Variants in UPF2 observed in about 807,000 individuals in gnomAD.
UPF2 encodes UPF2 regulator of nonsense mediated mRNA decay.
Under a neutral mutation model 141.4 loss-of-function variants are expected in UPF2, and 17 were observed. That is an observed-to-expected ratio of 0.12 (90% confidence interval 0.08 to 0.18). UPF2 has a LOEUF of 0.18. UPF2 is among the 10% of genes least tolerant of loss of function. UPF2 has a pLI of 1.00. For missense variants in UPF2, 1,152 were observed against 1,515.9 expected (o/e 0.76, Z 3.99); for synonymous variants, 540 against 498.0 (o/e 1.08, Z -1.12).
chr10:11,949,492 A>G (rs1347597766), intron 15 of UPF2, among the ~76,000 whole-genome samples: 2 of 152,220 alleles, frequency 1.3e-5, no homozygotes, highest in Non-Finnish European at 2.9e-5. Flanking sequence ...ACAGCATCTT[A>G]CATTTGATGA....
chr10:11,929,662 A>G (rs1441595895), intron 21 of UPF2, among the ~76,000 whole-genome samples: 1 of 152,218 alleles, frequency 6.6e-6, no homozygotes, highest in East Asian at 1.9e-4. Context: ...ATAAAAATAA[A>G]AAAAACAGAA....
intron 2 of UPF2, among the ~76,000 whole-genome samples, chr10:12,030,177 A>G (rs1414289666): frequency 1.3e-5 from 2 of 152,110 alleles, no homozygotes; most frequent in Non-Finnish European, 2.9e-5. Context: ...TATGTTTGGG[A>G]AGGATGTAAA....
chr10:11,948,447 A>T lies in UPF2; in HGVS notation c.3096T>A (p.Asp1032Glu). The change falls in exon 16 of 22, where the codon GAT becomes GAA. Residue 1032 changes from aspartate (D) to glutamate (E), a missense_variant. Physicochemically the swap from Asp to Glu is conservative, Grantham distance 45 (BLOSUM62 2). Around this residue, in one of 4 missense-constraint regions of UPF2, gnomAD observed 202 missense variants for 223.6 expected, o/e 0.90. Transcript: ENST00000357604. ...CAGCCCCACCTTCTTCTTCTTCTTC[A>T]TCCTCTTCAAGATTTTCTCCTTCTG... The part of the protein sequence containing the change: ...SMTEGENLEE[D>E]EEEEEGGAET... 1.9e-6 allele frequency: 3 copies of T among 1,613,088 alleles called. No homozygotes were observed. Among genetic ancestry groups the T allele is most frequent in the East Asian group, 4.5e-5 (2 of 44,822 alleles).
intron 15 of UPF2, among the ~76,000 whole-genome samples, chr10:11,949,207 A>G (rs547579347): frequency 1.3e-5 from 2 of 152,238 alleles, no homozygotes; most frequent in African/African-American, 2.4e-5. Flanking sequence ...TATGCACACA[A>G]TGTGGTCTCA....
intron 21 of UPF2, among the ~76,000 whole-genome samples, chr10:11,924,945 A>G (rs1216852575): frequency 2.0e-5 from 3 of 152,066 alleles, no homozygotes; most frequent in African/African-American, 4.8e-5. Flanking sequence ...CAGACTCCCG[A>G]GTAGCTGGGA....
chr10:12,022,859 C>A lies in UPF2; in HGVS notation c.1145+5886G>T, dbSNP rs187347474. ...TAGCATTCATAAAAGAAACCTCTGA[C>A]TTTTTTTTTAACAATGGGCAGACGA... is the stretch of plus-strand genomic sequence containing the variant. On this transcript the variant is annotated intron_variant, in intron 3 of 21. Coordinates refer to ENST00000357604, the MANE Select transcript of UPF2 (RefSeq NM_015542.4). Among the ~76,000 whole-genome samples, 196 of 151,322 alleles carry A rather than the reference C, an allele frequency of 1.3e-3. 2 individuals are homozygous for A. The highest frequency in any genetic ancestry group is 2.3e-3 in the Non-Finnish European group (155 of 67,778).
At chr10:11,983,518 G>A (rs1407399325) in intron 8 of UPF2, among the ~76,000 whole-genome samples, 1 of 151,772 alleles carries the variant, frequency 6.6e-6, no homozygotes, top group Non-Finnish European at 1.5e-5. Context: ...GACTACCAGC[G>A]CGTGCTATCA....
intron 21 of UPF2, chr10:11,928,740 G>T (rs1042349991): frequency 2.9e-6 from 1 of 341,074 alleles, no homozygotes; most frequent in Non-Finnish European, 5.7e-6. Context: ...CCATAAAAGA[G>T]GTCTTATTAG....
intron 7 of UPF2, among the ~76,000 whole-genome samples, chr10:11,999,476 G>T (rs1402631199): frequency 7.5e-6 from 1 of 132,984 alleles, no homozygotes; most frequent in Non-Finnish European, 1.5e-5. Context: ...TCACACCATT[G>T]CACTCCAGCC....
At chr10:11,941,401 T>A (rs1043831465) in intron 18 of UPF2, among the ~76,000 whole-genome samples, 2 of 152,196 alleles carry the variant, frequency 1.3e-5, no homozygotes, top group Non-Finnish European at 2.9e-5. Context: ...AGACATGTTA[T>A]TTTAATATAT....
intron 9 of UPF2, among the ~76,000 whole-genome samples, chr10:11,978,418 G>C (rs1016405361): frequency 2.6e-5 from 4 of 152,142 alleles, no homozygotes; most frequent in African/African-American, 9.7e-5. Context: ...ATTTGAAGCA[G>C]AAGCACCTCC....
chr10:11,968,321 G>A lies in UPF2; in HGVS notation c.1954-867C>T, dbSNP rs1833356776. Reference sequence around the variant, plus strand: ...TGGAGAATAAAATGAATTTTACCCGGCCTAAGGAGGTTCTTAAATAAGGAA... The same window carrying A: ...TGGAGAATAAAATGAATTTTACCCGACCTAAGGAGGTTCTTAAATAAGGAA... On this transcript the variant is annotated intron_variant, in intron 9 of 21. Coordinates refer to ENST00000357604, the MANE Select transcript of UPF2 (RefSeq NM_015542.4). Among the ~76,000 whole-genome samples, 6 of 152,234 alleles carry A rather than the reference G, an allele frequency of 3.9e-5. No homozygotes were observed. The South Asian group carries it at 1.2e-3, about 32-fold the overall frequency.
chr10:11,947,398 A>T (rs1335994102), intron 16 of UPF2, among the ~76,000 whole-genome samples: 1 of 152,198 alleles, frequency 6.6e-6, no homozygotes, highest in Non-Finnish European at 1.5e-5. Context: ...GGGAAAAATA[A>T]AGCAAAGCTC....
intron 8 of UPF2, among the ~76,000 whole-genome samples, chr10:11,982,452 C>T (rs1465582045): frequency 6.6e-6 from 1 of 152,156 alleles, no homozygotes; most frequent in Admixed American, 6.5e-5. Flanking sequence ...CACTGATGCT[C>T]TGACTCAGGG....
chr10:11,964,200 A>AG, intron 10 of UPF2, 75 bp from the exon 11 acceptor site: 1 of 1,085,434 alleles, frequency 9.2e-7, no homozygotes, highest in Non-Finnish European at 1.3e-6. Context: ...TCATACATCT[A>AG]ATGTGTGTAA....
intron 9 of UPF2, among the ~76,000 whole-genome samples, chr10:11,978,700 T>C (rs1301486742): frequency 1.3e-5 from 2 of 152,194 alleles, no homozygotes; most frequent in Non-Finnish European, 2.9e-5. Context: ...GCATATCCTA[T>C]GTGGCACCAC....
chr10:12,031,569 G>C (rs1834524568), intron 2 of UPF2, among the ~76,000 whole-genome samples: 1 of 152,178 alleles, frequency 6.6e-6, no homozygotes, highest in African/African-American at 2.4e-5. Flanking sequence ...GAGCCCAGGA[G>C]TTAAGACCAG....
At position 11,952,133 on chromosome 10, in the gene UPF2, G is replaced by A. The variant is rs747612985; in HGVS notation, c.2967C>T (p.Leu989=). The A allele has an allele frequency of 1.5e-5, 25 of 1,614,062 alleles. No homozygotes were observed. Among genetic ancestry groups the A allele is most frequent in the Non-Finnish European group, 1.9e-5 (22 of 1,179,974 alleles). The change falls in exon 15 of 22, where the codon CTC becomes CTT. Residue 989 remains leucine, a synonymous_variant. Transcript: ENST00000357604. ...TGATGGATTCTTCCAGAGAATTACA[G>A]AGTTTGATCTTTGGTCTTAGCAGTT... The part of the protein sequence containing the change: ...TLELLRPKIK[L]CNSLEESIRQ...
chr10:12,034,497 T>C (rs754456472), intron 2 of UPF2, among the ~76,000 whole-genome samples: 18 of 151,896 alleles, frequency 1.2e-4, no homozygotes, highest in African/African-American at 1.7e-4. Flanking sequence ...TAATTTTGTA[T>C]GAAAAAAAGT....
Sources: gnomAD v4.1 joint callset for allele counts (sites outside exome capture counted in the v4.1 genomes callset) on GRCh38, gnomAD v4.1.1 for gene constraint, gnomAD v4.1.1 regional missense constraint, MANE v1.5 for transcripts, NCBI Gene and HGNC (gene_info 2026-07-23, HGNC 2026-07-21) for gene names.